Variants in CDH22 observed in about 807,000 individuals in gnomAD.
CDH22 encodes cadherin-22.
In CDH22, 30 loss-of-function variants were observed where a neutral mutation model predicts 58.4. That is an observed-to-expected ratio of 0.51 (90% CI 0.38 to 0.70). The LOEUF (loss-of-function observed/expected upper bound fraction) is 0.70. Among genes scored for constraint, CDH22 ranks in the 30% least tolerant of loss-of-function variants. The pLI is 0.00. For missense variants in CDH22, 1,014 were observed against 1,233.9 expected, an observed-to-expected ratio of 0.82 and a Z score of 2.67; for synonymous variants, 513 against 558.2, an observed-to-expected ratio of 0.92 and a Z score of 1.14.
intron 1 of CDH22, among the ~76,000 whole-genome samples, chr20:46,305,011 T>C (rs1051544156): frequency 2.6e-5 from 4 of 152,326 alleles, no homozygotes; most frequent in East Asian, 1.9e-4. Flanking sequence ...TTAAATGCCC[T>C]TGGACAGTCA....
At position 46,300,615 on chromosome 20, in the gene CDH22, G is replaced by A. The variant is rs927805727; in HGVS notation, c.-400+7640C>T. 2.6e-5 allele frequency among the ~76,000 whole-genome samples: 4 copies of A among 152,304 alleles called. No homozygotes were observed. Among genetic ancestry groups the A allele is most frequent in the Admixed American group, 6.5e-5 (1 of 15,304 alleles). On this transcript the variant is annotated intron_variant, in intron 1 of 11. Transcript: ENST00000537909. The surrounding 1 kb of genome is among the most constrained non-coding windows in gnomAD (Gnocchi z 4.4). ...GCGGGGCTTTCTGCTTTTTTGACTCGCAGAGGGGTCTGTGGTGTTAACATC... is the reference window on the plus strand; with the variant it reads ...GCGGGGCTTTCTGCTTTTTTGACTCACAGAGGGGTCTGTGGTGTTAACATC...
At chr20:46,294,957 G>C (rs1216282385) in intron 1 of CDH22, among the ~76,000 whole-genome samples, 1 of 152,228 alleles carries the variant, frequency 6.6e-6, no homozygotes, top group Non-Finnish European at 1.5e-5. Flanking sequence ...CTGAGGAGGG[G>C]TTTCTTCTTC....
chr20:46,194,301 T>G (rs2085883478), intron 8 of CDH22, among the ~76,000 whole-genome samples: 1 of 152,186 alleles, frequency 6.6e-6, no homozygotes, highest in Admixed American at 6.5e-5. Context: ...CTTGTTGGTG[T>G]GTGTGTGGGT....
chr20:46,282,353 T>G (rs535287420), intron 1 of CDH22, among the ~76,000 whole-genome samples: 1 of 152,052 alleles, frequency 6.6e-6, no homozygotes, highest in African/African-American at 2.4e-5. Flanking sequence ...TGGAGATGCA[T>G]GGGGCCAAGT....
intron 10 of CDH22, among the ~76,000 whole-genome samples, chr20:46,183,891 T>A (rs1003026935): frequency 6.6e-6 from 1 of 152,120 alleles, no homozygotes; most frequent in African/African-American, 2.4e-5. Context: ...TCCTGTCTCT[T>A]ACTCACTCTA....
At chr20:46,218,613 C>T (rs1257062497) in intron 4 of CDH22, among the ~76,000 whole-genome samples, 2 of 149,886 alleles carry the variant, frequency 1.3e-5, no homozygotes, top group African/African-American at 4.8e-5. Context: ...TTCACACCCC[C>T]TCCCACAACC....
chr20:46,204,416 A>G (rs1392404332), intron 7 of CDH22, among the ~76,000 whole-genome samples: 1 of 148,136 alleles, frequency 6.8e-6, no homozygotes, highest in Non-Finnish European at 1.5e-5. Flanking sequence ...AAAAAAAAAA[A>G]AAGAGAGAGA....
intron 1 of CDH22, among the ~76,000 whole-genome samples, chr20:46,257,681 A>T (rs550556999): frequency 6.6e-5 from 10 of 152,352 alleles, no homozygotes; most frequent in Admixed American, 5.9e-4. Context: ...TAAAGCAGAG[A>T]TACGGAGCAG....
At position 46,206,881 on chromosome 20, in the gene CDH22, T is replaced by TGC. The variant is rs1404728435; in HGVS notation, c.1286+3425_1286+3426insGC. Among the ~76,000 whole-genome samples, 3 of 152,198 alleles carry TGC rather than the reference T, an allele frequency of 2.0e-5. No homozygotes were observed. The East Asian group carries it at 5.8e-4, about 29-fold the overall frequency. ...TCAATGCGGAGTTGCTGCCTAAGCC[T>TGC]GTGACCCTGAGAACGCAGGTGCTGC... On this transcript the variant is annotated intron_variant, in intron 7 of 11. Coordinates refer to ENST00000537909, the MANE Select transcript of CDH22 (RefSeq NM_021248.3).
chr20:46,282,749 C>G lies in CDH22; in HGVS notation c.-400+25506G>C, dbSNP rs538436838. ...TCCGCCTCCCCCAGTGAGTTCTCCC[C>G]CGGGGGAGGGAAGGGTGGGTGGGTG... On this transcript the variant is annotated intron_variant, in intron 1 of 11. Transcript: ENST00000537909. 5.3e-5 allele frequency among the ~76,000 whole-genome samples: 8 copies of G among 152,296 alleles called. No homozygotes were observed. In the East Asian group the frequency reaches 1.4e-3, roughly 26 times the overall value.
chr20:46,289,729 A>G (rs2086592090), intron 1 of CDH22, among the ~76,000 whole-genome samples: 1 of 152,318 alleles, frequency 6.6e-6, no homozygotes, highest in South Asian at 2.1e-4. Context: ...AGAGCTGCCT[A>G]CTGGAAATTT....
chr20:46,207,623 G>T (rs561810397), intron 7 of CDH22, among the ~76,000 whole-genome samples: 6 of 152,294 alleles, frequency 3.9e-5, no homozygotes, highest in East Asian at 1.9e-4. Context: ...GGGCATTCTC[G>T]GCTTCAGGAC....
intron 1 of CDH22, among the ~76,000 whole-genome samples, chr20:46,261,997 C>T (rs2086435334): frequency 6.6e-6 from 1 of 152,094 alleles, no homozygotes; most frequent in South Asian, 2.1e-4. Context: ...ATGTGCATCA[C>T]TGATGTGTGC....
In CDH22 at chr20:46,213,158, G is replaced by T; in HGVS notation, c.869C>A (p.Ala290Asp). ...ACGTCCCACAGCCGTTCCAATGGGG[G>T]CTGACTCCTGGATGCTGAACTGGTA... ...KMYQFSIQES[A>D]PIGTAVGRVK... Residue 290 changes from alanine (A) to aspartate (D), a missense_variant, in exon 6 of 12, where the codon GCC becomes GAC. Ala to Asp is a moderately radical substitution (Grantham distance 126). Coordinates refer to ENST00000537909, the MANE Select transcript of CDH22 (RefSeq NM_021248.3). 1.2e-6 allele frequency: 2 copies of T among 1,614,130 alleles called. No homozygotes were observed. Among genetic ancestry groups the T allele is most frequent in the Non-Finnish European group, 1.7e-6 (2 of 1,180,010 alleles).
rs186378513 is a variant in CDH22, at chr20:46,200,185, A to G, written c.1287-626T>C. Among the ~76,000 whole-genome samples, 14 of 150,828 alleles carry G rather than the reference A, an allele frequency of 9.3e-5. No individual in the cohort carries two copies. The East Asian group carries it at 1.6e-3, about 17-fold the overall frequency. On this transcript the variant is annotated intron_variant, in intron 7 of 11. Coordinates refer to ENST00000537909, the MANE Select transcript of CDH22 (RefSeq NM_021248.3). ...GAGACGGGGTTTCACCGTGTTAGCC[A>G]GGATGGTCTTGATCTCCTGACCTCG...
chr20:46,203,175 A>G (rs572843929), intron 7 of CDH22, among the ~76,000 whole-genome samples: 2 of 152,240 alleles, frequency 1.3e-5, no homozygotes, highest in Admixed American at 1.3e-4. Flanking sequence ...TTAACTAGCT[A>G]AAGACCTGGG....
rs1197167195 is a variant in CDH22 at position 46,304,113 on chromosome 20, G to A, written c.-400+4142C>T. Among the ~76,000 whole-genome samples, 5 of 152,290 alleles carry A rather than the reference G, an allele frequency of 3.3e-5. No individual in the cohort carries two copies. In the East Asian group the frequency reaches 9.7e-4, roughly 29 times the overall value. ...ATGCAGGGACTCCACCTTCCTCAAG[G>A]CAAAGGAAGAAGGATCCTGAAGTCA... On this transcript the variant is annotated intron_variant, in intron 1 of 11. Transcript: ENST00000537909.
intron 1 of CDH22, among the ~76,000 whole-genome samples, chr20:46,285,401 C>A (rs535709845): frequency 1.2e-4 from 18 of 152,270 alleles, no homozygotes; most frequent in Non-Finnish European, 2.2e-4. Context: ...CCAGGGGGGA[C>A]CTTGCGACCC....
chr20:46,203,872 C>T (rs998325855), intron 7 of CDH22, among the ~76,000 whole-genome samples: 1 of 152,124 alleles, frequency 6.6e-6, no homozygotes, highest in Non-Finnish European at 1.5e-5. Context: ...TTGGTGACAA[C>T]AACCTGAAGG....
Sources: gnomAD v4.1 joint callset for allele counts (sites outside exome capture counted in the v4.1 genomes callset) on GRCh38, gnomAD v4.1.1 for gene constraint, Gnocchi (gnomAD v3.1) non-coding constraint, MANE v1.5 for transcripts, NCBI Gene and HGNC (gene_info 2026-07-23, HGNC 2026-07-21) for gene names.